The following LAMA5 variants were observed in gnomAD, a reference collection of about 807,000 sequenced individuals.
LAMA5 encodes laminin subunit alpha-5.
A neutral mutation model predicts 433.4 loss-of-function variants in LAMA5; 260 were observed. The ratio of observed to expected loss-of-function variants is 0.60; its 90% CI spans 0.54 to 0.66. LAMA5 has a LOEUF of 0.66. LAMA5 is among the 30% of genes least tolerant of loss of function. LAMA5 has a pLI of 0.00. For missense variants in LAMA5, 5,378 were observed against 5,258.5 expected, an observed-to-expected ratio of 1.02 and a Z score of -0.70; for synonymous variants, 2,620 against 2,226.6, an observed-to-expected ratio of 1.18 and a Z score of -4.97.
rs1985992365 is a variant in LAMA5 at position 62,309,744 on chromosome 20, T to C, written c.10920A>G (p.Pro3640=). 1 of 1,602,912 alleles carries C rather than the reference T, an allele frequency of 6.2e-7. No individual in the cohort carries two copies. The highest frequency in any genetic ancestry group is 1.7e-4 in the Middle Eastern group (1 of 5,940). ...GPLLAAAAGA[P]APLYLGGLPE... is the part of the protein sequence containing the mutation. ...GCAGGCCCCCGAGGTACAGAGGGGC[T>C]GGGGCACCAGCTGCAGCCGCCAGCA... is the stretch of plus-strand genomic sequence containing the variant. Residue 3640 remains proline (P), a synonymous_variant, in exon 79 of 80, where the codon CCA becomes CCG. Transcript: ENST00000252999.
chr20:62,353,183 CT>C lies in LAMA5; in HGVS notation c.518del (p.Glu173GlyfsTer63). On this transcript the variant is annotated frameshift_variant, in exon 3 of 80. Transcript: ENST00000252999. LOFTEE classifies it high-confidence loss of function. ...NSPRPDLWVL[E>X]RSMDFGRTYQ... ...AGGTGCGGCCGAAGTCCATGGACCG[CT>C]CCAGCACCCAGAGGTCCGGCCGGGG... 6.3e-7 allele frequency: 1 copy of C among 1,584,434 alleles called. No homozygotes were observed. Among genetic ancestry groups the C allele is most frequent in the Non-Finnish European group, 8.6e-7 (1 of 1,166,006 alleles).
In LAMA5 at chr20:62,328,986, G is replaced by A. The variant is rs555212359; in HGVS notation, c.4305C>T (p.Ala1435=). 6.2e-7 allele frequency: 1 copy of A among 1,612,650 alleles called. No individual in the cohort carries two copies. Among genetic ancestry groups the A allele is most frequent in the East Asian group, 2.2e-5 (1 of 44,876 alleles). Residue 1435 remains alanine (A), a synonymous_variant, in exon 34 of 80, where the codon GCC becomes GCT. Coordinates refer to ENST00000252999, the MANE Select transcript of LAMA5 (RefSeq NM_005560.6). ...CTACTTCGTGGCAGCCACATGGACGGGCTCCGTTGTTATAGAAGAGGGAGA... is the reference window on the plus strand; with the variant it reads ...CTACTTCGTGGCAGCCACATGGACGAGCTCCGTTGTTATAGAAGAGGGAGA... ...ASLSLFYNNG[A]RPCGCHEVGA...
chr20:62,323,563 G>A lies in LAMA5; in HGVS notation c.5957C>T (p.Pro1986Leu). The change falls in exon 45 of 80, where the codon CCC (proline) becomes CTC (leucine). Residue 1986 changes from proline to leucine, a missense_variant. Transcript: ENST00000252999. ...GCAGCCACGGCAGGCGCCCGTCAGG[G>A]GGTCGCAGTCGCTGAAGAGCAAGTT... ...DPNLLFSDCD[P>L]LTGACRGCLR... 2 of 1,602,706 alleles carry A rather than the reference G, an allele frequency of 1.2e-6. No individual in the cohort carries two copies. The highest frequency in any genetic ancestry group is 1.7e-6 in the Non-Finnish European group (2 of 1,176,668).
At chr20:62,319,844 G>T (rs1987481552) in intron 50 of LAMA5, 49 bp from the exon 51 acceptor site, 2 of 1,451,768 alleles carry the variant, frequency 1.4e-6, no homozygotes, top group Admixed American at 2.0e-5. Flanking sequence ...GCGAGGGTCG[G>T]GGTGGCAAGG....
rs749120870 is a variant in LAMA5 at position 62,352,313 on chromosome 20, G to A, written c.616C>T (p.Arg206Cys). 31 of 1,599,930 alleles carry A rather than the reference G, an allele frequency of 1.9e-5. No individual in the cohort carries two copies. The highest frequency in any genetic ancestry group is 4.5e-5 in the East Asian group (2 of 44,838). ...LERFGPQTLE[R>C]ITRDDAAICT... is the part of the protein sequence containing the mutation. ...ATGGCCGCGTCGTCCCGTGTGATGC[G>A]CTCCAGCGTCTGTGGCCCGAACCGC... Residue 206 changes from arginine (R) to cysteine (C), a missense_variant, in exon 4 of 80, where the codon CGC (arginine) becomes TGC (cysteine). Physicochemically the swap from Arg to Cys is radical, Grantham distance 180. Transcript: ENST00000252999.
chr20:62,333,247 G>T lies in LAMA5; in HGVS notation c.3129-4C>A, dbSNP rs1322182378. On this transcript the variant is annotated splice_region_variant and splice_polypyrimidine_tract_variant and intron_variant, in intron 25 of 79. Transcript: ENST00000252999. ...GAGGTGTGTGTAGAGGAGGCAGCTG[G>T]GGGGACACAGGCCGTGGTCAGCCCC... 5.2e-6 allele frequency: 8 copies of T among 1,551,542 alleles called. No individual in the cohort carries two copies. The African/African-American group carries it at 5.4e-5, about 11-fold the overall frequency.
intron 28 of LAMA5, among the ~76,000 whole-genome samples, chr20:62,331,794 G>A (rs560490100): frequency 7.9e-5 from 12 of 152,362 alleles, no homozygotes; most frequent in African/African-American, 2.4e-4. Flanking sequence ...GCTCCTGTCT[G>A]TAATCCCAGC....
At chr20:62,360,619 T>G (rs1418755171) in intron 2 of LAMA5, among the ~76,000 whole-genome samples, 1 of 38,248 alleles carries the variant, frequency 2.6e-5, no homozygotes, top group African/African-American at 1.0e-4. Context: ...GGTGGATGGG[T>G]GGGTGGAGGG....
At chr20:62,358,953 G>A (rs908741035) in intron 2 of LAMA5, among the ~76,000 whole-genome samples, 2 of 152,078 alleles carry the variant, frequency 1.3e-5, no homozygotes, top group African/African-American at 4.8e-5. Flanking sequence ...CCCTCACCTG[G>A]CACTGCTCGC....
rs150598660 is a variant in LAMA5, at chr20:62,337,953, T to C, written c.1892-15A>G. 1,092 of 1,605,736 alleles carry C rather than the reference T, an allele frequency of 6.8e-4. 3 individuals carry two copies. Among genetic ancestry groups the C allele is most frequent in the Middle Eastern group, 1.2e-3 (7 of 6,052 alleles). ...GCAGGTGCATGCTGCAGAGGGACAA[T>C]GGGGTCAGGCCCTGGCGCCATGTGG... On this transcript the variant is annotated splice_polypyrimidine_tract_variant and intron_variant, in intron 14 of 79. Coordinates refer to ENST00000252999, the MANE Select transcript of LAMA5 (RefSeq NM_005560.6).
intron 48 of LAMA5, among the ~76,000 whole-genome samples, chr20:62,321,391 AGAGGACGGGTGGGTT>A (rs2146111909): frequency 1.6e-4 from 1 of 6,302 alleles, no homozygotes; most frequent in Non-Finnish European, 3.2e-4. Flanking sequence ...GGGTGGGGTC[AGAGGACGGGTGGGTT>A]CAGAGGACGG....
At position 62,330,661 on chromosome 20, in the gene LAMA5, T is replaced by C. The variant is rs2095235; in HGVS notation, c.3853-47A>G. 1,343,219 of 1,565,478 alleles carry C rather than the reference T, an allele frequency of 0.86. 586,496 individuals carry two copies. Among genetic ancestry groups the C allele is most frequent in the East Asian group, 0.95 (40,842 of 42,916 alleles). On this transcript the variant is annotated intron_variant, in intron 30 of 79. Transcript: ENST00000252999. ...AGCAGGCTGAGCTATGAGCCCCTGC[T>C]GCCCCCTGGACAACCTGCCCTGGGT...
Position 62,314,359 on chromosome 20 carries a change from C to T in LAMA5, c.8449G>A (p.Val2817Ile). Residue 2817 changes from valine (V) to isoleucine (I), a missense_variant, in exon 62 of 80, where the codon GTC becomes ATC. Transcript: ENST00000252999. ...VYQLGEAGPAVLSIDEDIGEQ... is the reference protein window; with the variant it reads ...VYQLGEAGPAILSIDEDIGEQ... The stretch of plus-strand genomic sequence containing the variant: ...CCAATGTCCTCATCGATGCTTAGGA[C>T]TGCAGGGCCCGCCTCACCCAGCTGA... 6.2e-7 allele frequency: 1 copy of T among 1,613,420 alleles called. No homozygotes were observed. The highest frequency in any genetic ancestry group is 8.5e-7 in the Non-Finnish European group (1 of 1,179,944).
At chr20:62,332,949 C>CAGGAGGCAGGAGGCAGGAGGT in intron 26 of LAMA5, 141 bp downstream of exon 26, 1 of 1,167,278 alleles carries the variant, frequency 8.6e-7, no homozygotes, top group Non-Finnish European at 1.2e-6. Context: ...AGGCAGGAGG[C>CAGGAGGCAGGAGGCAGGAGGT]AGGGGCGCCC....
At chr20:62,348,272 T>A (rs577325707) in intron 6 of LAMA5, among the ~76,000 whole-genome samples, 7 of 152,218 alleles carry the variant, frequency 4.6e-5, no homozygotes, top group African/African-American at 1.4e-4. Flanking sequence ...AGTAATCTAG[T>A]AGAAGCCAGG....
rs769092923 is a variant in LAMA5, at chr20:62,311,075, C to T, written c.10108G>A (p.Val3370Ile). 48 of 1,589,866 alleles carry T rather than the reference C, an allele frequency of 3.0e-5. No individual in the cohort carries two copies. The highest frequency in any genetic ancestry group is 3.1e-5 in the Non-Finnish European group (36 of 1,168,028). ...AGGCCTCGGGAGCTTCGCGGGAGGA[C>T]GTGCATGGAGAGACTGGGCCTGGAA... ...HRNWPSLSMH[V>I]LPRSSRGLLL... is the part of the protein sequence containing the mutation. The change falls in exon 74 of 80, where the codon GTC becomes ATC. Residue 3370 changes from valine (V) to isoleucine (I), a missense_variant. Coordinates refer to ENST00000252999, the MANE Select transcript of LAMA5 (RefSeq NM_005560.6).
At chr20:62,333,755 C>G in intron 23 of LAMA5, 49 bp from the exon 24 acceptor site, 1 of 1,517,844 alleles carries the variant, frequency 6.6e-7, no homozygotes, top group East Asian at 2.4e-5. Flanking sequence ...TTGGGGCCAC[C>G]CCAGGCTGCA....
Position 62,313,404 on chromosome 20 carries a change from C to A in LAMA5, c.8715G>T (p.Leu2905=). 6.2e-7 allele frequency: 1 copy of A among 1,609,284 alleles called. No individual in the cohort carries two copies. Among genetic ancestry groups the A allele is most frequent in the Non-Finnish European group, 8.5e-7 (1 of 1,178,620 alleles). ...TGTAGAGGCTGACCACCTCCTCATT[C>A]AGCGTGTCCATCTCGATGCAGCCCC... is the stretch of plus-strand genomic sequence containing the variant. ...GYRGCIEMDT[L]NEEVVSLYNF... The change falls in exon 64 of 80, where the codon CTG becomes CTT. Residue 2905 remains leucine (L), a synonymous_variant. Transcript: ENST00000252999.
intron 76 of LAMA5, 33 bp from the exon 77 acceptor site, chr20:62,310,344 G>C: frequency 6.3e-7 from 1 of 1,576,712 alleles, no homozygotes; most frequent in Non-Finnish European, 8.6e-7. Context: ...AGAAGAAAGG[G>C]GGGGCCCCTC....
Sources: allele counts gnomAD v4.1 joint callset (sites outside exome capture counted in the v4.1 genomes callset), GRCh38; gene constraint gnomAD v4.1.1; transcripts MANE v1.5; gene names NCBI Gene and HGNC (gene_info 2026-07-23, HGNC 2026-07-21).